The following NFATC2 variants were observed in gnomAD, a reference collection of about 807,000 sequenced individuals.
The protein encoded by NFATC2 is nuclear factor of activated T-cells, cytoplasmic 2.
In NFATC2, 22 loss-of-function variants were observed where a neutral mutation model predicts 87.3. The observed-to-expected ratio is 0.25, with a 90% CI of 0.18 to 0.36. The LOEUF is 0.36. Ranked by LOEUF, NFATC2 falls within the 10% of genes least tolerant of loss-of-function variation. The pLI is 1.00. For missense variants in NFATC2, 1,149 were observed against 1,259.1 expected (o/e 0.91, Z 1.32); for synonymous variants, 565 against 542.2 (o/e 1.04, Z -0.58).
At position 51,523,197 on chromosome 20, in the gene NFATC2, G is replaced by C. The variant is rs766403006; in HGVS notation, c.1044C>G (p.Ala348=). ...GCTCGCAGGGCCCCAGGAACTCCAC[G>C]GCCGGGTAGATGTGGCGAGGCAGGC... ...KAGLPRHIYP[A]VEFLGPCEQG... Residue 348 remains alanine, a synonymous_variant, in exon 2 of 11, where the codon GCC becomes GCG. Transcript: ENST00000371564. This position sits in a 1 kb window ranked among gnomAD's most constrained non-coding sequence, Gnocchi z 6.9. 20 of 1,614,146 alleles carry C rather than the reference G, an allele frequency of 1.2e-5. No homozygotes were observed. Among genetic ancestry groups the C allele is most frequent in the African/African-American group, 9.3e-5 (7 of 75,072 alleles).
intron 1 of NFATC2, among the ~76,000 whole-genome samples, chr20:51,558,913 C>G (rs2076999768): frequency 6.6e-6 from 1 of 152,200 alleles, no homozygotes; most frequent in Non-Finnish European, 1.5e-5. Context: ...AGCAATGTTA[C>G]CTGGGACCCA....
At chr20:51,478,163 C>T (rs932892062) in intron 3 of NFATC2, among the ~76,000 whole-genome samples, 3 of 152,170 alleles carry the variant, frequency 2.0e-5, no homozygotes, top group Non-Finnish European at 2.9e-5. Flanking sequence ...CTGACACACA[C>T]CTGAGAGGCG....
intron 1 of NFATC2, among the ~76,000 whole-genome samples, chr20:51,540,667 T>TTTTTTTTGTTTGTTTG (rs1555818370): frequency 6.8e-6 from 1 of 147,232 alleles, no homozygotes; most frequent in Non-Finnish European, 1.5e-5. Context: ...TGTTTTTTTT[T>TTTTTTTTGTTTGTTTG]TTTTGAGAAA....
At chr20:51,446,979 G>C (rs950321053) in intron 6 of NFATC2, among the ~76,000 whole-genome samples, 1 of 152,130 alleles carries the variant, frequency 6.6e-6, no homozygotes, top group African/African-American at 2.4e-5. Context: ...ACATCACGCC[G>C]GGTACAACCA....
intron 1 of NFATC2, among the ~76,000 whole-genome samples, chr20:51,550,251 G>A (rs1028124058): frequency 2.6e-5 from 4 of 152,044 alleles, no homozygotes; most frequent in Admixed American, 1.3e-4. Context: ...AGCCATGATC[G>A]CACCACTGCA....
intron 3 of NFATC2, among the ~76,000 whole-genome samples, chr20:51,484,460 C>T (rs937852631): frequency 2.6e-5 from 4 of 152,208 alleles, no homozygotes; most frequent in Non-Finnish European, 4.4e-5. Context: ...ATGTCAGTCC[C>T]GTGGGGGCAG....
At chr20:51,469,087 A>G (rs544601065) in intron 5 of NFATC2, among the ~76,000 whole-genome samples, 2 of 151,982 alleles carry the variant, frequency 1.3e-5, no homozygotes, top group Admixed American at 6.6e-5. Flanking sequence ...CAGTGGTGCA[A>G]TCTTGGCTCA....
At chr20:51,556,174 A>T (rs1431109169) in intron 1 of NFATC2, among the ~76,000 whole-genome samples, 1 of 152,208 alleles carries the variant, frequency 6.6e-6, no homozygotes, top group African/African-American at 2.4e-5. Flanking sequence ...TGGGAGAGAC[A>T]AAGAAGGGTT....
chr20:51,433,177 C>T (rs1479668614), intron 8 of NFATC2, among the ~76,000 whole-genome samples: 1 of 152,144 alleles, frequency 6.6e-6, no homozygotes, highest in Non-Finnish European at 1.5e-5. Flanking sequence ...GCTTTACATG[C>T]TGATTTATTA....
intron 5 of NFATC2, among the ~76,000 whole-genome samples, chr20:51,468,798 G>A (rs1032707284): frequency 5.8e-4 from 88 of 152,368 alleles, no homozygotes; most frequent in African/African-American, 2.0e-3. Flanking sequence ...ACCCCGTACC[G>A]TGTGGGGTCA....
At chr20:51,398,127 G>A (rs770745622) in intron 10 of NFATC2, among the ~76,000 whole-genome samples, 98 of 147,224 alleles carry the variant, frequency 6.7e-4, no homozygotes, top group Non-Finnish European at 3.7e-4. Context: ...GACTTCAAAA[G>A]CCACAACAAG....
chr20:51,454,562 G>A lies in NFATC2; in HGVS notation c.1835C>T (p.Thr612Ile). 6.2e-7 allele frequency: 1 copy of A among 1,614,056 alleles called. No homozygotes were observed. The highest frequency in any genetic ancestry group is 8.5e-7 in the Non-Finnish European group (1 of 1,180,006). The change falls in exon 6 of 11, where the codon ACT becomes ATT. Residue 612 changes from threonine (T) to isoleucine (I), a missense_variant. By Grantham distance (89) the Thr-to-Ile change is moderately conservative. Coordinates refer to ENST00000371564, the MANE Select transcript of NFATC2 (RefSeq NM_012340.5). ...NFTSESKVVF[T>I]EKTTDGQQIW... ...AATCCACTGACCTGTGGTCTTCTCAGTAAACACAACTTTGGACTCGGATGT... is the reference window on the plus strand; with the variant it reads ...AATCCACTGACCTGTGGTCTTCTCAATAAACACAACTTTGGACTCGGATGT...
intron 9 of NFATC2, among the ~76,000 whole-genome samples, chr20:51,425,805 C>T (rs1377690916): frequency 6.6e-6 from 1 of 152,222 alleles, no homozygotes; most frequent in Non-Finnish European, 1.5e-5. Context: ...CGCATTGGTG[C>T]ACCCAGCTTC....
At chr20:51,499,145 G>A (rs547426768) in intron 3 of NFATC2, among the ~76,000 whole-genome samples, 5 of 152,286 alleles carry the variant, frequency 3.3e-5, no homozygotes, top group Admixed American at 6.5e-5. Context: ...AGACACAGGA[G>A]GGCTCAGAAT....
chr20:51,408,168 T>G (rs1978619244), intron 9 of NFATC2, among the ~76,000 whole-genome samples: 1 of 152,134 alleles, frequency 6.6e-6, no homozygotes, highest in Non-Finnish European at 1.5e-5. Flanking sequence ...AAGTGGCTCT[T>G]TATTTCTAGT....
chr20:51,437,232 G>A (rs1472589218), intron 6 of NFATC2, among the ~76,000 whole-genome samples: 1 of 152,128 alleles, frequency 6.6e-6, no homozygotes, highest in Non-Finnish European at 1.5e-5. Flanking sequence ...TTTCCAGGGT[G>A]TTTTGTGGAA....
At chr20:51,418,659 G>GT (rs752511466) in intron 9 of NFATC2, among the ~76,000 whole-genome samples, 3,806 of 125,094 alleles carry the variant, frequency 0.03, 81 homozygotes, top group African/African-American at 0.058. Context: ...TGTTTGTTTG[G>GT]TTTTTTTTTT....
intron 6 of NFATC2, among the ~76,000 whole-genome samples, chr20:51,441,015 G>A (rs1400114311): frequency 6.6e-6 from 1 of 152,212 alleles, no homozygotes; most frequent in Non-Finnish European, 1.5e-5. Context: ...AGGTGTTGTG[G>A]TTCACACCTG....
At chr20:51,439,546 G>A (rs1355495160) in intron 6 of NFATC2, among the ~76,000 whole-genome samples, 6 of 152,172 alleles carry the variant, frequency 3.9e-5, no homozygotes, top group African/African-American at 7.2e-5. Flanking sequence ...GCGGTGAGCC[G>A]CCACATCCCA....
Sources: allele counts gnomAD v4.1 joint callset (sites outside exome capture counted in the v4.1 genomes callset), GRCh38; gene constraint gnomAD v4.1.1; non-coding constraint Gnocchi (gnomAD v3.1); transcripts MANE v1.5; gene names NCBI Gene and HGNC (gene_info 2026-07-23, HGNC 2026-07-21).